MORN5: variants seen among roughly 807,000 people sequenced by gnomAD.
MORN5 encodes the protein MORN repeat containing 5, also known as MORN repeat-containing protein 5.
MORN5 carries 21 observed loss-of-function variants against 22.1 expected under a neutral mutation model. That is an observed-to-expected ratio of 0.95 (90% CI 0.67 to 1.37). The LOEUF (loss-of-function observed/expected upper bound fraction) is 1.37. Among genes scored for constraint, MORN5 ranks in the 40% most tolerant of loss-of-function variants. The probability of loss-of-function intolerance (pLI) is 0.00; values close to 1 mark genes in which losing one functional copy is unlikely to be tolerated. For missense variants in MORN5, 211 were observed against 215.1 expected, an observed-to-expected ratio of 0.98 and a Z score of 0.12; for synonymous variants, 73 against 74.0, an observed-to-expected ratio of 0.99 and a Z score of 0.07.
chr9:122,166,752 C>G lies in MORN5; in HGVS notation c.48-16C>G. On this transcript the variant is annotated splice_polypyrimidine_tract_variant and intron_variant, in intron 1 of 4. Transcript: ENST00000373764. ...GCTGTCACACAGGGCTCAGTGATTT[C>G]CCTGTGTCTTTACAGGATGGAGGGC... 6.2e-7 allele frequency: 1 copy of G among 1,609,880 alleles called. No homozygotes were observed. The highest frequency in any genetic ancestry group is 8.5e-7 in the Non-Finnish European group (1 of 1,177,656).
At chr9:122,172,541 C>T (rs1463020386) in intron 3 of MORN5, among the ~76,000 whole-genome samples, 2 of 152,160 alleles carry the variant, frequency 1.3e-5, no homozygotes, top group Non-Finnish European at 2.9e-5. Flanking sequence ...CCAAATAACT[C>T]CTTCCCGTAC....
intron 1 of MORN5, among the ~76,000 whole-genome samples, chr9:122,165,227 A>G (rs185366755): frequency 1.3e-5 from 2 of 152,128 alleles, no homozygotes; most frequent in East Asian, 3.9e-4. Context: ...GAAAATCGTT[A>G]TATGTTACCT....
rs1443892083 is a variant in MORN5 at position 122,174,612 on chromosome 9, T to A, written c.424T>A (p.Phe142Ile). 2 of 1,614,048 alleles carry A rather than the reference T, an allele frequency of 1.2e-6. No homozygotes were observed. The highest frequency in any genetic ancestry group is 2.7e-5 in the African/African-American group (2 of 74,934). The stretch of plus-strand genomic sequence containing the variant: ...GGTAGTCAAGGACTATAGGAACCGC[T>A]TTCTAAGAAACGCAGGTAGGTTTCT... ...TRVVKDYRNR[F>I]LRNADDDEHE... The change falls in exon 4 of 5, where the codon TTT (phenylalanine) becomes ATT (isoleucine). Residue 142 changes from phenylalanine to isoleucine, a missense_variant. By Grantham distance (21) the Phe-to-Ile change is conservative. Coordinates refer to ENST00000373764, the MANE Select transcript of MORN5 (RefSeq NM_198469.4).
chr9:122,199,851 C>T lies in MORN5; in HGVS notation c.440-34C>T, dbSNP rs187600650. 1,105 of 1,613,394 alleles carry T rather than the reference C, an allele frequency of 6.8e-4. 11 individuals are homozygous for T. The Middle Eastern group carries it at 0.028, about 41-fold the overall frequency. On this transcript the variant is annotated intron_variant, in intron 4 of 4. Coordinates refer to ENST00000373764, the MANE Select transcript of MORN5 (RefSeq NM_198469.4). ...AGGCCAGGAAAGGTCCCAGCGAGCA[C>T]CAAGCATGACCAGCTCTTCCTCTTT...
chr9:122,175,073 A>G (rs1564417928), intron 4 of MORN5, among the ~76,000 whole-genome samples: 1 of 152,212 alleles, frequency 6.6e-6, no homozygotes. Flanking sequence ...CAATGAAGGG[A>G]AAAACATGGT....
At chr9:122,199,789 C>G in intron 4 of MORN5, 96 bp from the exon 5 acceptor site, 4 of 1,147,064 alleles carry the variant, frequency 3.5e-6, no homozygotes, top group Non-Finnish European at 5.3e-6. Context: ...CATCGACGGA[C>G]CATCCCAGTC....
intron 4 of MORN5, among the ~76,000 whole-genome samples, chr9:122,187,351 T>C (rs1373034189): frequency 6.6e-6 from 1 of 152,240 alleles, no homozygotes; most frequent in Admixed American, 6.5e-5. Flanking sequence ...TTCTGATCTC[T>C]CTACCCAGCC....
chr9:122,172,731 C>T (rs1272088908), intron 3 of MORN5, among the ~76,000 whole-genome samples: 1 of 152,194 alleles, frequency 6.6e-6, no homozygotes, highest in Non-Finnish European at 1.5e-5. Flanking sequence ...AGCACATTGT[C>T]TGGCATACAG....
Position 122,197,517 on chromosome 9 carries a change from G to A in MORN5, c.440-2368G>A, listed in dbSNP as rs547440940. On this transcript the variant is annotated intron_variant, in intron 4 of 4. Transcript: ENST00000373764. The surrounding 1 kb of genome is among the most constrained non-coding windows in gnomAD (Gnocchi z 5.7). ...AGGGCCAGGGGAGCCGCAGAGAGGC[G>A]CAGGGGAGGCGGAGGGAGGGGTTGG... Among the ~76,000 whole-genome samples the A allele has an allele frequency of 5.9e-5, 9 of 152,300 alleles. No homozygotes were observed. Among genetic ancestry groups the A allele is most frequent in the Admixed American group, 1.3e-4 (2 of 15,306 alleles).
chr9:122,167,859 A>G (rs866831070), intron 2 of MORN5, among the ~76,000 whole-genome samples: 6 of 152,162 alleles, frequency 3.9e-5, no homozygotes, highest in Admixed American at 6.6e-5. Context: ...TGCCTTTTCC[A>G]GCTTCTAGAG....
In MORN5 at chr9:122,174,536, C is replaced by T. The variant is rs1431310772; in HGVS notation, c.348C>T (p.Ile116=). The part of the protein sequence containing the change: ...QLTNMDPPRK[I]PKGYYDCGDG... ...CCAATATGGACCCACCTAGAAAAATCCCCAAGGGCTATTACGATTGTGGAG... is the reference window on the plus strand; with the variant it reads ...CCAATATGGACCCACCTAGAAAAATTCCCAAGGGCTATTACGATTGTGGAG... The change falls in exon 4 of 5, where the codon ATC becomes ATT. Residue 116 remains isoleucine (I), a synonymous_variant. Coordinates refer to ENST00000373764, the MANE Select transcript of MORN5 (RefSeq NM_198469.4). 3.1e-6 allele frequency: 5 copies of T among 1,614,092 alleles called. No individual in the cohort carries two copies. The Admixed American group carries it at 5.0e-5, about 16-fold the overall frequency.
Position 122,194,668 on chromosome 9 carries a change from C to A in MORN5, c.440-5217C>A, listed in dbSNP as rs371557723. 2.6e-5 allele frequency among the ~76,000 whole-genome samples: 4 copies of A among 152,234 alleles called. No individual in the cohort carries two copies. The East Asian group carries it at 7.7e-4, about 29-fold the overall frequency. ...ATGCTGGGTCTAGTGGTCAACAAAT[C>A]AAACATGGTCCCTGCATTGAGAGCT... On this transcript the variant is annotated intron_variant, in intron 4 of 4. Coordinates refer to ENST00000373764, the MANE Select transcript of MORN5 (RefSeq NM_198469.4).
chr9:122,175,618 A>ACACG, intron 4 of MORN5: 1 of 870,106 alleles, frequency 1.1e-6, no homozygotes, highest in Non-Finnish European at 1.3e-6. Flanking sequence ...GCACATGCAT[A>ACACG]CACACACACA....
intron 4 of MORN5, among the ~76,000 whole-genome samples, chr9:122,177,833 AT>A (rs1172176263): frequency 1.3e-5 from 2 of 152,306 alleles, no homozygotes; most frequent in East Asian, 1.9e-4. Context: ...ACAAATGTAT[AT>A]TTTTTTGTAT....
intron 1 of MORN5, among the ~76,000 whole-genome samples, chr9:122,164,815 T>A (rs1270652112): frequency 6.6e-6 from 1 of 152,234 alleles, no homozygotes; most frequent in Non-Finnish European, 1.5e-5. Context: ...TGAAATAGTT[T>A]TCAATTTCTT....
At chr9:122,179,967 T>G (rs1440893716) in intron 4 of MORN5, among the ~76,000 whole-genome samples, 1 of 152,252 alleles carries the variant, frequency 6.6e-6, no homozygotes, top group Non-Finnish European at 1.5e-5. Context: ...CCACTGCTAT[T>G]ATGAAGCATA....
intron 1 of MORN5, among the ~76,000 whole-genome samples, chr9:122,161,063 T>C (rs1424073765): frequency 1.3e-5 from 2 of 152,236 alleles, no homozygotes; most frequent in Non-Finnish European, 2.9e-5. Context: ...AGGTGGCCAC[T>C]CTTTTTTGCC....
intron 4 of MORN5, among the ~76,000 whole-genome samples, chr9:122,185,389 A>AT (rs34979145): frequency 0.024 from 3,588 of 149,782 alleles, 167 homozygotes; most frequent in African/African-American, 0.08. Context: ...TGCCTGGCTA[A>AT]TTTTTTTTTT....
chr9:122,164,518 A>G (rs1829248608), intron 1 of MORN5: 1 of 965,220 alleles, frequency 1.0e-6, no homozygotes. Flanking sequence ...CTTGAACCAG[A>G]GGATTCTGAT....
Sources: gnomAD v4.1 joint callset for allele counts (sites outside exome capture counted in the v4.1 genomes callset) on GRCh38, gnomAD v4.1.1 for gene constraint, Gnocchi (gnomAD v3.1) non-coding constraint, MANE v1.5 for transcripts, NCBI Gene and HGNC (gene_info 2026-07-23, HGNC 2026-07-21) for gene names.